CNIH3: variants seen among roughly 807,000 people sequenced by gnomAD.
CNIH3 encodes the protein cornichon family AMPA receptor auxiliary protein 3.
In CNIH3, 14 loss-of-function variants were observed where a neutral mutation model predicts 24.1. The ratio of observed to expected loss-of-function variants is 0.58; its 90% CI spans 0.38 to 0.91. The LOEUF (loss-of-function observed/expected upper bound fraction) is 0.91. Ranked by LOEUF, CNIH3 falls within the 40% of genes least tolerant of loss-of-function variation. The pLI, the probability that CNIH3 is intolerant of heterozygous loss-of-function variation, is 0.00. For missense variants in CNIH3, 178 were observed against 196.8 expected (o/e 0.90, Z 0.57); for synonymous variants, 68 against 73.8 (o/e 0.92, Z 0.40).
intron 1 of CNIH3, among the ~76,000 whole-genome samples, chr1:224,444,602 C>G (rs983927327): frequency 4.6e-5 from 7 of 151,886 alleles, no homozygotes; most frequent in African/African-American, 1.5e-4. Flanking sequence ...CCCTCCTTGG[C>G]CTTCCAAAGT....
At chr1:224,523,148 A>C (rs1263053555) in intron 2 of CNIH3, among the ~76,000 whole-genome samples, 1 of 152,134 alleles carries the variant, frequency 6.6e-6, no homozygotes, top group African/African-American at 2.4e-5. Flanking sequence ...CTGAGGCAGA[A>C]GGATCGCTTG....
At chr1:224,459,331 A>C (rs188016108) in intron 1 of CNIH3, 2 of 548,000 alleles carry the variant, frequency 3.6e-6, no homozygotes, top group African/African-American at 2.0e-5. Context: ...TCTTTAACAA[A>C]GTGATGAAAA....
At chr1:224,517,799 G>A (rs924157255) in intron 1 of CNIH3, among the ~76,000 whole-genome samples, 3 of 152,122 alleles carry the variant, frequency 2.0e-5, no homozygotes, top group Non-Finnish European at 1.5e-5. Flanking sequence ...TTTGCCATTA[G>A]GGAAATATAT....
chr1:224,481,919 A>G (rs1472216602), intron 1 of CNIH3, among the ~76,000 whole-genome samples: 3 of 152,184 alleles, frequency 2.0e-5, no homozygotes, highest in Non-Finnish European at 4.4e-5. Context: ...CTGGTGCTCT[A>G]TTCTACTGTG....
chr1:224,697,386 G>A (rs1320858327), intron 3 of CNIH3, among the ~76,000 whole-genome samples: 1 of 152,196 alleles, frequency 6.6e-6, no homozygotes, highest in African/African-American at 2.4e-5. Flanking sequence ...TAGCCAAGCT[G>A]AGGATCACTG....
chr1:224,646,222 C>T (rs974342310), intron 1 of CNIH3, among the ~76,000 whole-genome samples: 5 of 152,138 alleles, frequency 3.3e-5, no homozygotes, highest in African/African-American at 1.2e-4. Context: ...ATGGGCCTAA[C>T]AGCATTTTGA....
At chr1:224,639,634 T>C (rs1297558569) in intron 1 of CNIH3, among the ~76,000 whole-genome samples, 1 of 152,182 alleles carries the variant, frequency 6.6e-6, no homozygotes, top group Non-Finnish European at 1.5e-5. Context: ...CCCTACCAGA[T>C]GGAAAATGGA....
chr1:224,435,159 G>A, intron 1 of CNIH3: 19 of 986,180 alleles, frequency 1.9e-5, no homozygotes, highest in Non-Finnish European at 2.3e-5. Context: ...TGCGCGGAGG[G>A]ACTGCACCTT....
chr1:224,498,756 A>G (rs1677535999), intron 1 of CNIH3, among the ~76,000 whole-genome samples: 1 of 152,244 alleles, frequency 6.6e-6, no homozygotes, highest in Admixed American at 6.5e-5. Context: ...GCTTCAGCAC[A>G]GGGGAAGATG....
At position 224,458,457 on chromosome 1, in the gene CNIH3, A is replaced by G. The variant is rs1277547341; in HGVS notation, n.203+23595A>G. On this transcript the variant is annotated intron_variant and non_coding_transcript_variant, in intron 1 of 5. Coordinates refer to the CNIH3 transcript ENST00000471578. The surrounding 1 kb of genome is among the most constrained non-coding windows in gnomAD (Gnocchi z 4.3). ...AGGCTTGGCAAGGCAGATGCTCCCC[A>G]GCTCCTGACATCAGAGAGAAGGGCT... Among the ~76,000 whole-genome samples the G allele has an allele frequency of 6.6e-6, 1 of 152,182 alleles. No homozygotes were observed. The highest frequency in any genetic ancestry group is 1.5e-5 in the Non-Finnish European group (1 of 68,018).
chr1:224,616,545 G>A lies in CNIH3; in HGVS notation c.-630G>A, dbSNP rs1172441098. The A allele has an allele frequency of 3.0e-6, 3 of 986,882 alleles. No homozygotes were observed. Among genetic ancestry groups the A allele is most frequent in the Non-Finnish European group, 3.6e-6 (3 of 830,920 alleles). The allele number at this position is 986,882 out of a possible 1,614,324, so 61.1% of individuals were successfully genotyped here. On this transcript the variant is annotated 5_prime_UTR_variant, in exon 1 of 6. Transcript: ENST00000272133. ...CGGGCGCGCCTCGGAGCGCACGGCTGCGCTGGAAGCCGCGTCTGGGGCGCA... is the reference window on the plus strand; with the variant it reads ...CGGGCGCGCCTCGGAGCGCACGGCTACGCTGGAAGCCGCGTCTGGGGCGCA...
intron 1 of CNIH3, among the ~76,000 whole-genome samples, chr1:224,503,398 C>A (rs890373667): frequency 6.6e-6 from 1 of 152,106 alleles, no homozygotes; most frequent in Non-Finnish European, 1.5e-5. Context: ...CACCCTCCCC[C>A]CTCTTATTTC....
At chr1:224,664,101 A>G (rs894482957) in intron 1 of CNIH3, among the ~76,000 whole-genome samples, 1 of 151,972 alleles carries the variant, frequency 6.6e-6, no homozygotes, top group East Asian at 1.9e-4. Flanking sequence ...CTCTCAGCCA[A>G]CTAAAATTGG....
chr1:224,438,458 C>A (rs1316150751), intron 1 of CNIH3, among the ~76,000 whole-genome samples: 1 of 152,166 alleles, frequency 6.6e-6, no homozygotes, highest in Non-Finnish European at 1.5e-5. Context: ...ACATTTCTCA[C>A]AAGTCTTTGT....
At chr1:224,471,277 G>C (rs764285113) in intron 1 of CNIH3, among the ~76,000 whole-genome samples, 1 of 152,096 alleles carries the variant, frequency 6.6e-6, no homozygotes, top group African/African-American at 2.4e-5. Flanking sequence ...TGATCTGCCC[G>C]CCTTGGCCTC....
At chr1:224,652,135 G>C (rs570329255) in intron 1 of CNIH3, among the ~76,000 whole-genome samples, 1 of 152,050 alleles carries the variant, frequency 6.6e-6, no homozygotes, top group Non-Finnish European at 1.5e-5. Flanking sequence ...CTGGGATTTC[G>C]ACCTGGGATT....
intron 3 of CNIH3, among the ~76,000 whole-genome samples, chr1:224,714,473 A>G (rs568156519): frequency 1.3e-5 from 2 of 152,272 alleles, no homozygotes; most frequent in Admixed American, 6.5e-5. Context: ...CAAGGGAGCA[A>G]ATATGCACAT....
chr1:224,572,326 G>A (rs1447926008), intron 4 of CNIH3, among the ~76,000 whole-genome samples: 1 of 152,114 alleles, frequency 6.6e-6, no homozygotes, highest in Non-Finnish European at 1.5e-5. Context: ...GACCAGCCTA[G>A]TCAACATGGT....
In CNIH3 at chr1:224,730,450, C is replaced by T. The variant is rs1452599638; in HGVS notation, c.199-12C>T. The T allele has an allele frequency of 6.5e-7, 1 of 1,529,426 alleles. No individual in the cohort carries two copies. The highest frequency in any genetic ancestry group is 2.0e-5 in the Admixed American group (1 of 51,036). 94.7% of individuals were successfully genotyped at this position (1,529,426 alleles called of 1,614,324 possible). A position where few individuals can be genotyped will look rare whatever the true frequency, so the allele number is the denominator to read the frequency against. On this transcript the variant is annotated splice_polypyrimidine_tract_variant and intron_variant, in intron 3 of 5. Coordinates refer to ENST00000272133, the MANE Select transcript of CNIH3 (RefSeq NM_152495.2). ...CCTCTAACTCAGGGCCGTGTCTCTG[C>T]TCCCTCTTCAGCTGGTGCTGCCAGA...
Sources: allele counts gnomAD v4.1 joint callset (sites outside exome capture counted in the v4.1 genomes callset), GRCh38; gene constraint gnomAD v4.1.1; non-coding constraint Gnocchi (gnomAD v3.1); transcripts MANE v1.5; gene names NCBI Gene and HGNC (gene_info 2026-07-23, HGNC 2026-07-21).